CNTN5: variants seen among roughly 807,000 people sequenced by gnomAD.
CNTN5 encodes contactin-5.
CNTN5 carries 77 observed loss-of-function variants against 129.1 expected under a neutral mutation model. That is an observed-to-expected ratio of 0.60 (90% confidence interval 0.50 to 0.72). The LOEUF (loss-of-function observed/expected upper bound fraction) is 0.72, where lower values mean the gene tolerates loss of function less well. Among genes scored for constraint, CNTN5 ranks in the 30% least tolerant of loss-of-function variants. The pLI is 0.00. For synonymous variants in CNTN5, 509 were observed against 465.6 expected (o/e 1.09, Z -1.20); for missense variants, 1,478 against 1,328.8 (o/e 1.11, Z -1.75).
intron 3 of CNTN5, among the ~76,000 whole-genome samples, chr11:99,584,060 T>C (rs535219731): frequency 6.6e-6 from 1 of 152,288 alleles, no homozygotes; most frequent in East Asian, 1.9e-4. Context: ...GATCAGATAA[T>C]TTTTTACTGG....
chr11:99,566,835 C>T (rs1268333147), intron 3 of CNTN5, among the ~76,000 whole-genome samples: 3 of 152,152 alleles, frequency 2.0e-5, no homozygotes, highest in Non-Finnish European at 4.4e-5. Context: ...AATTCATTAA[C>T]ATTCTATCCT....
At chr11:99,804,992 C>T (rs1946225512) in intron 3 of CNTN5, among the ~76,000 whole-genome samples, 1 of 151,864 alleles carries the variant, frequency 6.6e-6, no homozygotes, top group East Asian at 1.9e-4. Context: ...ATGGCCTCAT[C>T]TATTTGAGAA....
At chr11:99,035,859 C>G (rs1206233011) in intron 1 of CNTN5, among the ~76,000 whole-genome samples, 4 of 151,004 alleles carry the variant, frequency 2.6e-5, no homozygotes, top group African/African-American at 9.8e-5. Context: ...CAGTTTCTTC[C>G]TAGTCTCGAT....
chr11:100,073,846 A>C (rs1565215414), intron 12 of CNTN5, among the ~76,000 whole-genome samples: 2 of 152,138 alleles, frequency 1.3e-5, no homozygotes. Context: ...CTCTTTTGCC[A>C]AGGTCATTCA....
intron 1 of CNTN5, among the ~76,000 whole-genome samples, chr11:99,089,557 A>G (rs1866152099): frequency 6.6e-6 from 1 of 152,120 alleles, no homozygotes; most frequent in Non-Finnish European, 1.5e-5. Context: ...AGGGATCCAG[A>G]TTTTGTGCTT....
chr11:99,931,509 G>A (rs1009740311), intron 7 of CNTN5, among the ~76,000 whole-genome samples: 2 of 152,086 alleles, frequency 1.3e-5, no homozygotes, highest in Admixed American at 1.3e-4. Flanking sequence ...TGTTTAATTG[G>A]ATTTGACCAC....
Position 99,956,939 on chromosome 11 carries a change from T to G in CNTN5, c.807T>G (p.Cys269Trp). 2 of 1,613,950 alleles carry G rather than the reference T, an allele frequency of 1.2e-6. No homozygotes were observed. The highest frequency in any genetic ancestry group is 1.7e-6 in the Non-Finnish European group (2 of 1,179,870). ...CATCAGATGTTGGCAGCTATATTTG[T>G]CTGGTGAAAAACACAGTGACGAATG... ...VQTSDVGSYI[C>W]LVKNTVTNAR... The change falls in exon 8 of 25, where the codon TGT (cysteine) becomes TGG (tryptophan). Residue 269 changes from cysteine (C) to tryptophan (W), a missense_variant. Physicochemically the swap from Cys to Trp is radical, Grantham distance 215. Coordinates refer to ENST00000524871, the MANE Select transcript of CNTN5 (RefSeq NM_014361.4).
At chr11:100,034,262 T>G (rs770588) in intron 9 of CNTN5, among the ~76,000 whole-genome samples, 80,551 of 151,952 alleles carry the variant, frequency 0.53, 22,525 homozygotes, top group East Asian at 0.73. Context: ...CCAAACACTT[T>G]AAAAGGGGGT....
At chr11:99,551,230 T>A (rs1030420999) in intron 2 of CNTN5, among the ~76,000 whole-genome samples, 1 of 152,188 alleles carries the variant, frequency 6.6e-6, no homozygotes, top group Non-Finnish European at 1.5e-5. Flanking sequence ...TGCTATATAA[T>A]AATTGGCATA....
At chr11:99,025,161 C>G (rs960300149) in intron 1 of CNTN5, among the ~76,000 whole-genome samples, 2 of 151,898 alleles carry the variant, frequency 1.3e-5, no homozygotes, top group African/African-American at 2.4e-5. Context: ...ATATTTCTCA[C>G]ACTCAATTTG....
At chr11:99,506,526 A>C (rs1946626845) in intron 2 of CNTN5, among the ~76,000 whole-genome samples, 5 of 152,132 alleles carry the variant, frequency 3.3e-5, no homozygotes. Flanking sequence ...TAGGTAGACG[A>C]TTTGCGCCTT....
chr11:99,456,994 A>G (rs543615141), intron 2 of CNTN5, among the ~76,000 whole-genome samples: 1 of 152,160 alleles, frequency 6.6e-6, no homozygotes, highest in African/African-American at 2.4e-5. Flanking sequence ...TAAAATAAAA[A>G]AGAAGACCAG....
chr11:100,338,748 A>C (rs1952091498), intron 21 of CNTN5, among the ~76,000 whole-genome samples: 1 of 152,164 alleles, frequency 6.6e-6, no homozygotes. Flanking sequence ...AGCTGCTGGC[A>C]GGAAAAATCT....
chr11:100,032,346 T>C (rs1489605798), intron 9 of CNTN5, among the ~76,000 whole-genome samples: 2 of 152,132 alleles, frequency 1.3e-5, no homozygotes, highest in African/African-American at 4.8e-5. Flanking sequence ...CTATGGAATA[T>C]TTAAATATTA....
intron 8 of CNTN5, among the ~76,000 whole-genome samples, chr11:99,994,631 T>A (rs1157688994): frequency 1.3e-5 from 2 of 152,172 alleles, no homozygotes; most frequent in Non-Finnish European, 2.9e-5. Flanking sequence ...TATTGTGTCA[T>A]CAGATTAACA....
chr11:99,923,757 G>GTCTGTCTA (rs71050033), intron 7 of CNTN5, among the ~76,000 whole-genome samples: 10,096 of 140,546 alleles, frequency 0.072, 422 homozygotes, highest in Middle Eastern at 0.089. Context: ...CTATCTGTCT[G>GTCTGTCTA]TCTATCTATC....
intron 16 of CNTN5, among the ~76,000 whole-genome samples, chr11:100,243,414 A>C (rs1342353014): frequency 6.6e-6 from 1 of 152,126 alleles, no homozygotes; most frequent in Non-Finnish European, 1.5e-5. Context: ...CTTGTGGCCT[A>C]GAAGCCCTGC....
chr11:99,202,285 C>T (rs12786313), intron 1 of CNTN5, among the ~76,000 whole-genome samples: 21,915 of 152,138 alleles, frequency 0.14, 2,013 homozygotes, highest in Non-Finnish European at 0.21. Context: ...GCCTAGCATG[C>T]TCATGGCATT....
At chr11:99,949,354 C>T (rs1950621963) in intron 7 of CNTN5, among the ~76,000 whole-genome samples, 1 of 152,060 alleles carries the variant, frequency 6.6e-6, no homozygotes, top group African/African-American at 2.4e-5. Flanking sequence ...CAGTAGTTCT[C>T]CATATATATC....
Sources: gnomAD v4.1 joint callset for allele counts (sites outside exome capture counted in the v4.1 genomes callset) on GRCh38, gnomAD v4.1.1 for gene constraint, MANE v1.5 for transcripts, NCBI Gene and HGNC (gene_info 2026-07-23, HGNC 2026-07-21) for gene names.